CFH: variants seen among roughly 807,000 people sequenced by gnomAD.
CFH encodes the protein H factor 1 (complement).
CFH carries 53 observed loss-of-function variants against 147.3 expected under a neutral mutation model. The ratio of observed to expected loss-of-function variants is 0.36; its 90% CI spans 0.29 to 0.45. CFH has a LOEUF of 0.45. Ranked by LOEUF, CFH falls within the 20% of genes least tolerant of loss-of-function variation. The probability of loss-of-function intolerance (pLI) is 1.00; values close to 1 mark genes in which losing one functional copy is unlikely to be tolerated. For synonymous variants in CFH, 536 were observed against 489.4 expected (o/e 1.10, Z -1.26); for missense variants, 1,380 against 1,498.0 (o/e 0.92, Z 1.30).
chr1:196,689,769 A>G (rs191579994), intron 8 of CFH, among the ~76,000 whole-genome samples, 155 bp downstream of exon 8: 1 of 152,274 alleles, frequency 6.6e-6, no homozygotes, highest in Non-Finnish European at 1.5e-5. Flanking sequence ...CTTTTCTATT[A>G]TGAGGGTTTC....
intron 10 of CFH, among the ~76,000 whole-genome samples, chr1:196,714,925 T>C (rs1021079686): frequency 5.3e-5 from 8 of 151,418 alleles, no homozygotes; most frequent in African/African-American, 1.9e-4. Context: ...GGTCTCGAAC[T>C]CTTAATCTCA....
chr1:196,673,262 C>G, intron 2 of CFH, 99 bp downstream of exon 2: 4 of 1,083,752 alleles, frequency 3.7e-6, no homozygotes, highest in Non-Finnish European at 5.6e-6. Context: ...ATCACTATTG[C>G]CAGTCAAATA....
intron 1 of CFH, among the ~76,000 whole-genome samples, chr1:196,661,531 G>A (rs1666905182): frequency 6.6e-6 from 1 of 152,152 alleles, no homozygotes; most frequent in Non-Finnish European, 1.5e-5. Context: ...TTTTGGCTGT[G>A]TCCTCCAATG....
chr1:196,675,232 A>G (rs921649869), intron 3 of CFH, among the ~76,000 whole-genome samples: 2 of 152,074 alleles, frequency 1.3e-5, no homozygotes, highest in Admixed American at 1.3e-4. Flanking sequence ...GTCCCAGGGA[A>G]CTCATATTCA....
intron 10 of CFH, 143 bp downstream of exon 10, chr1:196,714,060 T>A (rs1668787342): frequency 1.4e-6 from 1 of 725,182 alleles, no homozygotes; most frequent in Admixed American, 2.7e-5. Context: ...ACATCAATTT[T>A]TTTTCCTTTT....
At chr1:196,692,542 T>G in intron 9 of CFH, 1 of 148,190 alleles carries the variant, frequency 6.7e-6, no homozygotes, top group Non-Finnish European at 1.4e-5. Context: ...CTTTCTTTCT[T>G]TTTCTTTTTC....
intron 7 of CFH, 111 bp downstream of exon 7, chr1:196,685,348 T>A: frequency 8.8e-7 from 1 of 1,138,926 alleles, no homozygotes; most frequent in Non-Finnish European, 1.3e-6. Flanking sequence ...ATATACAAAG[T>A]AAGGCTGTTG....
At chr1:196,694,678 G>A (rs2149092342) in intron 9 of CFH, among the ~76,000 whole-genome samples, 1 of 152,122 alleles carries the variant, frequency 6.6e-6, no homozygotes, top group Non-Finnish European at 1.5e-5. Flanking sequence ...GTTTCCAGAT[G>A]TTTTAATGAT....
chr1:196,740,555 A>G, intron 17 of CFH, 64 bp from the exon 18 acceptor site: 4 of 1,479,444 alleles, frequency 2.7e-6, no homozygotes, highest in South Asian at 2.3e-5. Context: ...ACTTAATATT[A>G]AAACAGGCAT....
chr1:196,713,934 G>GT lies in CFH; in HGVS notation c.1519+20dup, dbSNP rs776241074. ...CGTGCATTAGTAAGTAATTTATTAT[G>GT]TTTGTATTGATTATCCAGATGATAC... On this transcript the variant is annotated intron_variant, in intron 10 of 21. Coordinates refer to ENST00000367429, the MANE Select transcript of CFH (RefSeq NM_000186.4). 10 of 1,605,780 alleles carry GT rather than the reference G, an allele frequency of 6.2e-6. No individual in the cohort carries two copies. The South Asian group carries it at 6.6e-5, about 11-fold the overall frequency.
chr1:196,691,420 A>G (rs1308792424), intron 9 of CFH, among the ~76,000 whole-genome samples: 1 of 152,034 alleles, frequency 6.6e-6, no homozygotes, highest in Non-Finnish European at 1.5e-5. Flanking sequence ...CTTTTTTTAC[A>G]TGTTAATGAT....
chr1:196,716,806 A>C (rs768797912), intron 11 of CFH, among the ~76,000 whole-genome samples: 3 of 152,136 alleles, frequency 2.0e-5, no homozygotes, highest in Non-Finnish European at 4.4e-5. Flanking sequence ...ACTGGATAGA[A>C]TGCATTTTGA....
intron 9 of CFH, among the ~76,000 whole-genome samples, chr1:196,699,401 G>A (rs145221568): frequency 1.3e-4 from 20 of 152,076 alleles, no homozygotes; most frequent in East Asian, 3.9e-4. Flanking sequence ...CTTCCATTAC[G>A]GAATTTTGAG....
At chr1:196,677,745 A>G in intron 5 of CFH, 78 bp downstream of exon 5, 1 of 1,298,326 alleles carries the variant, frequency 7.7e-7, no homozygotes, top group Middle Eastern at 1.8e-4. Context: ...CATTCTAAGG[A>G]ATATCAGCAA....
chr1:196,674,910 G>A (rs180685764), intron 3 of CFH, among the ~76,000 whole-genome samples: 170 of 152,166 alleles, frequency 1.1e-3, no homozygotes, highest in African/African-American at 4.0e-3. Context: ...CCTTAGAAGA[G>A]ACCTTGAGAT....
At position 196,689,381 on chromosome 1, in the gene CFH, A is replaced by G. The variant is rs1186022153; in HGVS notation, c.965-39A>G. The G allele has an allele frequency of 3.9e-6, 6 of 1,553,768 alleles. No individual in the cohort carries two copies. In the Admixed American group the frequency reaches 5.1e-5, roughly 13 times the overall value. ...CTCTAATATGAGTGTTTATTACAGTAAAATTTCTTTATACTTTTTTTAAAA... is the reference window on the plus strand; with the variant it reads ...CTCTAATATGAGTGTTTATTACAGTGAAATTTCTTTATACTTTTTTTAAAA... On this transcript the variant is annotated intron_variant, in intron 7 of 21. Transcript: ENST00000367429.
At position 196,677,300 on chromosome 1, in the gene CFH, C is replaced by T; in HGVS notation, c.428-176C>T. ...AGAAAAGAATCAGGAATAAACATTC[C>T]ATTTGCTTGTTTCTTAGAGGAAAGT... On this transcript the variant is annotated intron_variant, in intron 4 of 21. Coordinates refer to ENST00000367429, the MANE Select transcript of CFH (RefSeq NM_000186.4). 1.3e-5 allele frequency: 8 copies of T among 595,070 alleles called. No individual in the cohort carries two copies. The South Asian group carries it at 1.6e-4, about 12-fold the overall frequency. 36.9% of individuals were successfully genotyped at this position (595,070 alleles called of 1,614,324 possible).
At chr1:196,728,886 T>C (rs1669213896) in intron 15 of CFH, among the ~76,000 whole-genome samples, 1 of 152,182 alleles carries the variant, frequency 6.6e-6, no homozygotes, top group Non-Finnish European at 1.5e-5. Context: ...TCTGTTTGTA[T>C]ATGTCTGTAT....
chr1:196,655,656 C>A (rs1028443462), intron 1 of CFH, among the ~76,000 whole-genome samples: 3 of 152,068 alleles, frequency 2.0e-5, no homozygotes, highest in Non-Finnish European at 2.9e-5. Context: ...CCCAGTTATG[C>A]CTTCTCCTCC....
Sources: allele counts gnomAD v4.1 joint callset (sites outside exome capture counted in the v4.1 genomes callset), GRCh38; gene constraint gnomAD v4.1.1; transcripts MANE v1.5; gene names NCBI Gene and HGNC (gene_info 2026-07-23, HGNC 2026-07-21).